Variants in ATXN2 observed in about 807,000 individuals in gnomAD.
ATXN2 encodes ataxin 2, also known as ataxin-2.
A neutral mutation model predicts 138.6 loss-of-function variants in ATXN2; 37 were observed. That is an observed-to-expected ratio of 0.27 (90% CI 0.21 to 0.35). The LOEUF is 0.35. Ranked by LOEUF, ATXN2 falls within the 10% of genes least tolerant of loss-of-function variation. The pLI is 1.00. For missense variants in ATXN2, 1,216 were observed against 1,480.3 expected (o/e 0.82, Z 2.93); for synonymous variants, 549 against 543.7 (o/e 1.01, Z -0.13).
At chr12:111,533,565 G>A (rs1880968438) in intron 5 of ATXN2, among the ~76,000 whole-genome samples, 1 of 150,282 alleles carries the variant, frequency 6.7e-6, no homozygotes, top group African/African-American at 2.5e-5. Flanking sequence ...ACACTCTGTT[G>A]CGCAGGCTGG....
At chr12:111,599,326 AG>A (rs1418447308), upstream of ATXN2, 3 of 151,158 alleles carry the variant, frequency 2.0e-5, no homozygotes, top group African/African-American at 2.9e-4. Flanking sequence ...GCCGGGAGGG[AG>A]GGGGGCCGGG....
intron 18 of ATXN2, among the ~76,000 whole-genome samples, chr12:111,479,388 G>T (rs1477128671): frequency 4.7e-5 from 4 of 84,382 alleles, no homozygotes; most frequent in Non-Finnish European, 8.0e-5. Context: ...TCCCGTCTCT[G>T]CTAAAAAAAA....
chr12:111,541,194 T>C (rs1881479654), intron 5 of ATXN2, among the ~76,000 whole-genome samples: 1 of 149,846 alleles, frequency 6.7e-6, no homozygotes, highest in African/African-American at 2.4e-5. Context: ...CAGTGTGAAG[T>C]AGGTATCTAA....
intron 14 of ATXN2, among the ~76,000 whole-genome samples, chr12:111,502,297 T>C (rs993829903): frequency 2.0e-5 from 3 of 152,198 alleles, no homozygotes; most frequent in African/African-American, 4.8e-5. Flanking sequence ...AGTCCACTAG[T>C]TGGTATCTGA....
intron 5 of ATXN2, among the ~76,000 whole-genome samples, chr12:111,542,521 C>A (rs1244300965): frequency 6.6e-6 from 1 of 152,198 alleles, no homozygotes; most frequent in African/African-American, 2.4e-5. Context: ...AGCTGGAGTG[C>A]CGTGGCATAA....
chr12:111,596,145 AG>A (rs1197840845), intron 1 of ATXN2, among the ~76,000 whole-genome samples: 1 of 151,710 alleles, frequency 6.6e-6, no homozygotes, highest in African/African-American at 2.4e-5. Flanking sequence ...CAGAGACTGC[AG>A]TAAGCTGAGA....
intron 1 of ATXN2, among the ~76,000 whole-genome samples, chr12:111,558,740 T>C (rs972895244): frequency 6.6e-6 from 1 of 152,070 alleles, no homozygotes; most frequent in Admixed American, 6.6e-5. Context: ...AAGACAGCAG[T>C]GAGCTGTGAT....
rs71083183 is a variant in ATXN2, at chr12:111,592,782, CAAAAAA to C, written c.251+5996_251+6001del. 1.9e-3 allele frequency among the ~76,000 whole-genome samples: 50 copies of C among 26,034 alleles called. 1 individual carries two copies. The highest frequency in any genetic ancestry group is 3.1e-3 in the African/African-American group (29 of 9,368). The allele number at this position is 26,034 out of a possible 152,430, so 17.1% of individuals were successfully genotyped here. On this transcript the variant is annotated intron_variant, in intron 1 of 24. Coordinates refer to ENST00000673436, the MANE Select transcript of ATXN2 (RefSeq NM_001372574.1). ...TGGGCGACAGAGCAAGACTCCGTCT[CAAAAAA>C]AAAAAAAAAAAAAAAAGATAATAGG...
intron 1 of ATXN2, chr12:111,581,728 G>A (rs1379767555): frequency 2.9e-5 from 19 of 650,048 alleles, no homozygotes; most frequent in South Asian, 2.2e-4. Flanking sequence ...GCATCATTAC[G>A]ACCATTCTGC....
At chr12:111,536,709 G>A (rs185738401) in intron 5 of ATXN2, among the ~76,000 whole-genome samples, 5 of 151,102 alleles carry the variant, frequency 3.3e-5, no homozygotes, top group Admixed American at 2.6e-4. Flanking sequence ...TTGCAGGTAT[G>A]TGTATGTATG....
At position 111,598,119 on chromosome 12, in the gene ATXN2, G is replaced by T. The variant is rs1662039068; in HGVS notation, c.251+665C>A. On this transcript the variant is annotated intron_variant, in intron 1 of 24. Transcript: ENST00000673436. The surrounding 1 kb of genome is among the most constrained non-coding windows in gnomAD (Gnocchi z 4.5). ...GCCCCACGATTTCAGGGGAGTTCGG[G>T]AGCCCCCGCCGCCGCCTCGGACACG... 1 of 1,108,524 alleles carries T rather than the reference G, an allele frequency of 9.0e-7. No homozygotes were observed. 68.7% of individuals were successfully genotyped at this position (1,108,524 alleles called of 1,614,324 possible).
chr12:111,520,185 C>T, intron 7 of ATXN2, 109 bp from the exon 8 acceptor site: 2 of 1,354,070 alleles, frequency 1.5e-6, no homozygotes, highest in Non-Finnish European at 2.0e-6. Flanking sequence ...CTGGTAAAAA[C>T]AGAAACTAAA....
chr12:111,481,614 CA>C (rs1466258630), intron 18 of ATXN2, among the ~76,000 whole-genome samples: 69 of 152,124 alleles, frequency 4.5e-4, no homozygotes, highest in Non-Finnish European at 2.4e-4. Flanking sequence ...TCCATCACAG[CA>C]TTTCTACTTT....
chr12:111,560,739 T>C (rs1882635966), intron 1 of ATXN2, among the ~76,000 whole-genome samples: 1 of 151,412 alleles, frequency 6.6e-6, no homozygotes, highest in Non-Finnish European at 1.5e-5. Context: ...TTACTTAAAA[T>C]GTCCAGTTTT....
chr12:111,553,572 CAAAAAAAAA>C (rs757837884), intron 3 of ATXN2, among the ~76,000 whole-genome samples: 24 of 48,928 alleles, frequency 4.9e-4, no homozygotes, highest in South Asian at 2.5e-3. Context: ...TCTTTTTTCT[CAAAAAAAAA>C]AAAAAAAAAA....
chr12:111,453,069 T>C lies in ATXN2; in HGVS notation c.3440-229A>G, dbSNP rs543398438. On this transcript the variant is annotated intron_variant, in intron 24 of 24. Transcript: ENST00000673436. This position sits in a 1 kb window ranked among gnomAD's most constrained non-coding sequence, Gnocchi z 5.4. ...CTTCAGATAAAACTCCCAGAAGACT[T>C]GTTCATGGGGTAGAAAAAAAGGCCT... 1.4e-4 allele frequency: 183 copies of C among 1,289,740 alleles called. 1 individual carries two copies. In the African/African-American group the frequency reaches 2.5e-3, roughly 18 times the overall value. The allele number at this position is 1,289,740 out of a possible 1,614,324, so 79.9% of individuals were successfully genotyped here. A position where few individuals can be genotyped will look rare whatever the true frequency, so the allele number is the denominator to read the frequency against.
Position 111,552,279 on chromosome 12 carries a change from C to T in ATXN2, c.571+1G>A. ...GGCATATTTAGGAAATCAAAACCCA[C>T]CTCTTTTTGCATAACTGGAGTCCAT... On this transcript the variant is annotated splice_donor_variant, in intron 5 of 24. Coordinates refer to ENST00000673436, the MANE Select transcript of ATXN2 (RefSeq NM_001372574.1). LOFTEE classifies it high-confidence loss of function. This position sits in a 1 kb window ranked among gnomAD's most constrained non-coding sequence, Gnocchi z 4.1. 1 of 1,587,348 alleles carries T rather than the reference C, an allele frequency of 6.3e-7. No individual in the cohort carries two copies.
chr12:111,526,432 G>A (rs537379385), intron 5 of ATXN2, among the ~76,000 whole-genome samples: 1 of 146,662 alleles, frequency 6.8e-6, no homozygotes, highest in Non-Finnish European at 1.5e-5. Flanking sequence ...TTGAGATGGA[G>A]CTTGCTCTTT....
rs750084655 is a variant in ATXN2 at position 111,509,595 on chromosome 12, T to C, written c.1889A>G (p.His630Arg). Residue 630 changes from histidine (H) to arginine (R), a missense_variant, in exon 14 of 25, where the codon CAT becomes CGT. His to Arg is a conservative substitution (Grantham distance 29). Transcript: ENST00000673436. ...NKGISPVVSE[H>R]RKQIDDLKKF... ...CTTTAAATCATCAATCTGTTTTCTA[T>C]GTTCAGAAACAACTGGTGATATACC... is the stretch of plus-strand genomic sequence containing the variant. 5 of 1,494,988 alleles carry C rather than the reference T, an allele frequency of 3.3e-6. No individual in the cohort carries two copies. The highest frequency in any genetic ancestry group is 2.4e-5 in the South Asian group (2 of 84,834). 92.6% of individuals were successfully genotyped at this position (1,494,988 alleles called of 1,614,324 possible).
Sources: allele counts gnomAD v4.1 joint callset (sites outside exome capture counted in the v4.1 genomes callset), GRCh38; gene constraint gnomAD v4.1.1; non-coding constraint Gnocchi (gnomAD v3.1); transcripts MANE v1.5; gene names NCBI Gene and HGNC (gene_info 2026-07-23, HGNC 2026-07-21).